Variants in NKAIN3 observed in about 807,000 individuals in gnomAD.
The protein encoded by NKAIN3 is sodium/potassium transporting ATPase interacting 3.
In NKAIN3, 25 loss-of-function variants were observed where a neutral mutation model predicts 30.2. The ratio of observed to expected loss-of-function variants is 0.83; its 90% confidence interval spans 0.60 to 1.16. NKAIN3 has a LOEUF of 1.16. Among genes scored for constraint, NKAIN3 ranks in the 50% most tolerant of loss-of-function variants. The pLI, the probability that NKAIN3 is intolerant of heterozygous loss-of-function variation, is 0.00. For synonymous variants in NKAIN3, 91 were observed against 89.6 expected (o/e 1.02, Z -0.09); for missense variants, 225 against 254.1 (o/e 0.89, Z 0.78).
intron 4 of NKAIN3, among the ~76,000 whole-genome samples, chr8:62,762,064 C>T (rs1280981644): frequency 5.3e-5 from 8 of 152,128 alleles, no homozygotes; most frequent in South Asian, 2.1e-4. Flanking sequence ...GCCTGTAATC[C>T]CAGCACTTTG....
chr8:62,668,136 A>G (rs1484963743), intron 3 of NKAIN3, among the ~76,000 whole-genome samples: 1 of 151,128 alleles, frequency 6.6e-6, no homozygotes, highest in Non-Finnish European at 1.5e-5. Context: ...ACACACAGTC[A>G]CATTGGCATT....
At chr8:62,535,089 A>G (rs1405523314) in intron 1 of NKAIN3, among the ~76,000 whole-genome samples, 3 of 152,170 alleles carry the variant, frequency 2.0e-5, no homozygotes, top group African/African-American at 4.8e-5. Flanking sequence ...CATTCAGTTC[A>G]ACACTAAGTG....
rs752055647 is a variant in NKAIN3 at position 62,486,634 on chromosome 8, C to T, written c.55-92905C>T. Among the ~76,000 whole-genome samples, 3 of 152,176 alleles carry T rather than the reference C, an allele frequency of 2.0e-5. No individual in the cohort carries two copies. In the South Asian group the frequency reaches 6.2e-4, roughly 32 times the overall value. ...CCTAAGGCAATGTGAAAAAGTAATA[C>T]CCTTTATTACAGTTTTACTAACACA... On this transcript the variant is annotated intron_variant, in intron 1 of 6. Coordinates refer to ENST00000623646, the MANE Select transcript of NKAIN3 (RefSeq NM_001304533.3).
intron 1 of NKAIN3, among the ~76,000 whole-genome samples, chr8:62,518,783 A>G (rs1166600615): frequency 6.6e-6 from 1 of 152,172 alleles, no homozygotes; most frequent in East Asian, 1.9e-4. Flanking sequence ...GGTGTTCACA[A>G]ATAATCTCAG....
At chr8:62,918,952 GA>G (rs1372499169) in intron 5 of NKAIN3, among the ~76,000 whole-genome samples, 1 of 142,968 alleles carries the variant, frequency 7.0e-6, no homozygotes, top group South Asian at 2.2e-4. Context: ...AAAATGCAAT[GA>G]AAAAAACTAA....
intron 4 of NKAIN3, among the ~76,000 whole-genome samples, chr8:62,820,325 A>AAACT (rs1176989508): frequency 2.2e-4 from 34 of 152,178 alleles, no homozygotes; most frequent in African/African-American, 7.5e-4. Context: ...AATGAGGGCT[A>AAACT]AACTACATCA....
rs117678209 is a variant in NKAIN3 at position 62,626,818 on chromosome 8, A to T, written c.273+37024A>T. Among the ~76,000 whole-genome samples, 1,326 of 152,268 alleles carry T rather than the reference A, an allele frequency of 8.7e-3. 12 individuals carry two copies. Among genetic ancestry groups the T allele is most frequent in the Non-Finnish European group, 0.013 (865 of 68,000 alleles). ...TCACTTTTGCTGAATGCACCTTCCC[A>T]TAGGGTCTCAGTGCTAATTTCAGAC... On this transcript the variant is annotated intron_variant, in intron 3 of 6. Coordinates refer to ENST00000623646, the MANE Select transcript of NKAIN3 (RefSeq NM_001304533.3).
intron 3 of NKAIN3, among the ~76,000 whole-genome samples, chr8:62,664,121 C>T (rs751440355): frequency 2.6e-5 from 4 of 152,040 alleles, no homozygotes; most frequent in Non-Finnish European, 5.9e-5. Flanking sequence ...GATCCCCTTT[C>T]TCCTAGCAGA....
chr8:62,794,027 A>G (rs1817779882), intron 4 of NKAIN3, among the ~76,000 whole-genome samples: 1 of 152,200 alleles, frequency 6.6e-6, no homozygotes, highest in Non-Finnish European at 1.5e-5. Context: ...ATGTGCTTGA[A>G]CATCTGCTTT....
At position 62,855,871 on chromosome 8, in the gene NKAIN3, C is replaced by T. The variant is rs751949693; in HGVS notation, c.472-62582C>T. On this transcript the variant is annotated intron_variant, in intron 4 of 6. Transcript: ENST00000623646. ...TCATCCAACTCCTCTTCCTGTGGCA[C>T]CAAAGCCACAAAATAAAGAGAGATG... 58 of 774,394 alleles carry T rather than the reference C, an allele frequency of 7.5e-5. No individual in the cohort carries two copies. The Middle Eastern group carries it at 9.8e-4, about 13-fold the overall frequency. The allele number at this position is 774,394 out of a possible 1,614,324, so 48.0% of individuals were successfully genotyped here.
At chr8:62,778,404 C>A (rs1178335879) in intron 4 of NKAIN3, among the ~76,000 whole-genome samples, 1 of 152,124 alleles carries the variant, frequency 6.6e-6, no homozygotes, top group Non-Finnish European at 1.5e-5. Flanking sequence ...TGAGCTGGCA[C>A]TGAAGCCACA....
At chr8:62,673,915 T>C (rs1813389758) in intron 3 of NKAIN3, among the ~76,000 whole-genome samples, 1 of 152,240 alleles carries the variant, frequency 6.6e-6, no homozygotes, top group South Asian at 2.1e-4. Flanking sequence ...TGTGTTGCTC[T>C]CTGGTTTAAA....
At chr8:62,850,691 A>G (rs2130773552) in intron 4 of NKAIN3, among the ~76,000 whole-genome samples, 1 of 150,066 alleles carries the variant, frequency 6.7e-6, no homozygotes, top group East Asian at 2.0e-4. Flanking sequence ...CAGTTTTCCC[A>G]GCACCATTTA....
intron 3 of NKAIN3, among the ~76,000 whole-genome samples, chr8:62,628,841 A>G (rs1466980018): frequency 6.6e-6 from 1 of 152,148 alleles, no homozygotes. Context: ...CTCTCCCAGG[A>G]TAGCAACCTC....
At chr8:62,933,442 C>T (rs562361609) in intron 5 of NKAIN3, among the ~76,000 whole-genome samples, 18 of 151,968 alleles carry the variant, frequency 1.2e-4, no homozygotes, top group African/African-American at 4.1e-4. Context: ...AAATATATTG[C>T]GGGAAAAAAC....
intron 1 of NKAIN3, among the ~76,000 whole-genome samples, chr8:62,278,628 G>C (rs1813050116): frequency 6.6e-6 from 1 of 152,122 alleles, no homozygotes; most frequent in African/African-American, 2.4e-5. Context: ...AACATGTGGT[G>C]TTTGGTTTTT....
At chr8:62,255,933 C>A (rs949378381) in intron 1 of NKAIN3, among the ~76,000 whole-genome samples, 2 of 152,104 alleles carry the variant, frequency 1.3e-5, no homozygotes, top group Admixed American at 6.6e-5. Context: ...AAGCTCCTTG[C>A]ATGATTCTGA....
intron 3 of NKAIN3, among the ~76,000 whole-genome samples, chr8:62,659,747 T>A (rs553964079): frequency 6.6e-6 from 1 of 152,240 alleles, no homozygotes; most frequent in African/African-American, 2.4e-5. Context: ...CATCTTGAAT[T>A]TTTATGTGTT....
chr8:62,357,698 G>A (rs747222204), intron 1 of NKAIN3, among the ~76,000 whole-genome samples: 4 of 152,094 alleles, frequency 2.6e-5, no homozygotes, highest in East Asian at 1.9e-4. Flanking sequence ...TCATGACCTC[G>A]ACCTGCCTGT....
Sources: gnomAD v4.1 joint callset for allele counts (sites outside exome capture counted in the v4.1 genomes callset) on GRCh38, gnomAD v4.1.1 for gene constraint, MANE v1.5 for transcripts, NCBI Gene and HGNC (gene_info 2026-07-23, HGNC 2026-07-21) for gene names.